The following AP3B1 variants were observed in gnomAD, a reference collection of about 807,000 sequenced individuals.
The protein encoded by AP3B1 is AP-3 complex subunit beta-1.
AP3B1 carries 61 observed loss-of-function variants against 132.5 expected under a neutral mutation model. The observed-to-expected ratio is 0.46, with a 90% CI of 0.37 to 0.57. The LOEUF is 0.57. Ranked by LOEUF, AP3B1 falls within the 20% of genes least tolerant of loss-of-function variation. The pLI is 0.00. For synonymous variants in AP3B1, 388 were observed against 438.3 expected (o/e 0.89, Z 1.43); for missense variants, 1,120 against 1,289.4 (o/e 0.87, Z 2.01).
intron 19 of AP3B1, among the ~76,000 whole-genome samples, chr5:78,113,464 A>G (rs1312637254): frequency 6.6e-6 from 1 of 152,218 alleles, no homozygotes; most frequent in African/African-American, 2.4e-5. Context: ...TACAAAAGGT[A>G]ATTAAGTGTT....
intron 8 of AP3B1, among the ~76,000 whole-genome samples, chr5:78,178,426 T>A (rs1316395477): frequency 6.6e-6 from 1 of 152,094 alleles, no homozygotes; most frequent in Non-Finnish European, 1.5e-5. Context: ...TGTGAGAGCA[T>A]CCTGGCCAAC....
At chr5:78,069,856 C>T (rs1749460635) in intron 22 of AP3B1, among the ~76,000 whole-genome samples, 1 of 152,168 alleles carries the variant, frequency 6.6e-6, no homozygotes, top group Non-Finnish European at 1.5e-5. Context: ...AACTATACTA[C>T]AAGGCTACAG....
At chr5:78,024,965 G>C (rs1296244568) in intron 24 of AP3B1, among the ~76,000 whole-genome samples, 6 of 149,140 alleles carry the variant, frequency 4.0e-5, no homozygotes, top group African/African-American at 1.5e-4. Context: ...TCCCAAAGTT[G>C]TGGGATTATA....
intron 24 of AP3B1, among the ~76,000 whole-genome samples, chr5:78,024,576 T>C (rs1747252280): frequency 6.8e-6 from 1 of 147,876 alleles, no homozygotes; most frequent in African/African-American, 2.5e-5. Flanking sequence ...TTTTTTTTTT[T>C]TTTTTTGAGA....
chr5:78,170,264 A>G (rs1200392449), intron 11 of AP3B1, among the ~76,000 whole-genome samples: 1 of 152,214 alleles, frequency 6.6e-6, no homozygotes, highest in Non-Finnish European at 1.5e-5. Context: ...TCCTTTGGGT[A>G]TATACTCAGT....
intron 1 of AP3B1, among the ~76,000 whole-genome samples, chr5:78,293,116 C>A (rs1011785334): frequency 1.3e-5 from 2 of 152,108 alleles, no homozygotes; most frequent in African/African-American, 2.4e-5. Flanking sequence ...TGGCCTCAAG[C>A]GATCCGCCCA....
intron 1 of AP3B1, among the ~76,000 whole-genome samples, chr5:78,281,811 G>A (rs941466308): frequency 4.6e-5 from 7 of 152,108 alleles, no homozygotes; most frequent in Admixed American, 4.6e-4. Flanking sequence ...TCTGGAGAGG[G>A]ATGGTGGTAA....
At chr5:78,221,249 A>G (rs1301102859) in intron 6 of AP3B1, among the ~76,000 whole-genome samples, 3 of 152,130 alleles carry the variant, frequency 2.0e-5, no homozygotes, top group African/African-American at 7.2e-5. Flanking sequence ...AAATCAAATC[A>G]CCAATCCTGT....
intron 24 of AP3B1, among the ~76,000 whole-genome samples, chr5:78,028,120 G>A (rs1406731975): frequency 1.3e-5 from 2 of 151,714 alleles, no homozygotes; most frequent in African/African-American, 4.8e-5. Context: ...GTAAGACTCT[G>A]TCTCAAAACA....
At chr5:78,226,052 C>T (rs575435023) in intron 5 of AP3B1, among the ~76,000 whole-genome samples, 1 of 152,108 alleles carries the variant, frequency 6.6e-6, no homozygotes, top group South Asian at 2.1e-4. Flanking sequence ...CTGATAGAGA[C>T]ATGCATTATA....
intron 2 of AP3B1, among the ~76,000 whole-genome samples, chr5:78,262,908 GATC>G (rs1748157428): frequency 6.6e-6 from 1 of 152,030 alleles, no homozygotes. Context: ...GGGCTCAAAT[GATC>G]CTCCTGCCTC....
chr5:78,157,196 G>C (rs1298387611), intron 13 of AP3B1, among the ~76,000 whole-genome samples: 1 of 152,062 alleles, frequency 6.6e-6, no homozygotes, highest in African/African-American at 2.4e-5. Context: ...CTCCTGCAGG[G>C]TCTGGTAACT....
At chr5:78,290,577 T>C (rs1749469534) in intron 1 of AP3B1, among the ~76,000 whole-genome samples, 1 of 145,012 alleles carries the variant, frequency 6.9e-6, no homozygotes, top group East Asian at 2.0e-4. Context: ...ATACCCAAAT[T>C]GGTTAAAAGA....
rs180781538 is a variant in AP3B1, at chr5:78,176,848, A to G, written c.1040+491T>C. On this transcript the variant is annotated intron_variant, in intron 9 of 26. Coordinates refer to ENST00000255194, the MANE Select transcript of AP3B1 (RefSeq NM_003664.5). Reference sequence around the variant, plus strand: ...CTATTAAAAACACAGCTCTCTTTTTAGAGTGGAGCAAAGCATAGTAATTAA... The same window carrying G: ...CTATTAAAAACACAGCTCTCTTTTTGGAGTGGAGCAAAGCATAGTAATTAA... Among the ~76,000 whole-genome samples, 4 of 152,330 alleles carry G rather than the reference A, an allele frequency of 2.6e-5. No individual in the cohort carries two copies. The East Asian group carries it at 7.7e-4, about 29-fold the overall frequency.
intron 26 of AP3B1, among the ~76,000 whole-genome samples, chr5:78,006,486 C>A (rs1746401913): frequency 6.6e-6 from 1 of 152,142 alleles, no homozygotes; most frequent in South Asian, 2.1e-4. Context: ...CTTGATTCCT[C>A]ATATATTTTA....
At chr5:78,083,255 G>T (rs537600128) in intron 22 of AP3B1, among the ~76,000 whole-genome samples, 1 of 152,138 alleles carries the variant, frequency 6.6e-6, no homozygotes, top group African/African-American at 2.4e-5. Flanking sequence ...ATGAGTCAAG[G>T]TTTCATGTTG....
downstream of AP3B1, chr5:78,002,131 C>T (rs1461114303): frequency 6.5e-6 from 1 of 152,862 alleles, no homozygotes; most frequent in African/African-American, 2.4e-5. Flanking sequence ...TTATTAAATA[C>T]ACCAATTTTT....
chr5:78,275,505 C>G (rs1045644076), intron 1 of AP3B1, among the ~76,000 whole-genome samples: 2 of 151,942 alleles, frequency 1.3e-5, no homozygotes, highest in African/African-American at 4.8e-5. Flanking sequence ...GGGGGACAGT[C>G]TTGCTCTGTC....
At chr5:78,189,250 A>T (rs538067896) in intron 7 of AP3B1, among the ~76,000 whole-genome samples, 146 of 152,204 alleles carry the variant, frequency 9.6e-4, no homozygotes, top group African/African-American at 3.3e-3. Flanking sequence ...AAATTATTTA[A>T]AAAAAAATTT....
Sources: gnomAD v4.1 joint callset for allele counts (sites outside exome capture counted in the v4.1 genomes callset) on GRCh38, gnomAD v4.1.1 for gene constraint, MANE v1.5 for transcripts, NCBI Gene and HGNC (gene_info 2026-07-23, HGNC 2026-07-21) for gene names.